Variants in CLDN10 observed in about 807,000 individuals in gnomAD.
The protein encoded by CLDN10 is claudin-10.
In CLDN10, 15 loss-of-function variants were observed where a neutral mutation model predicts 22.9. That is an observed-to-expected ratio of 0.65 (90% CI 0.44 to 1.01). The LOEUF (loss-of-function observed/expected upper bound fraction) is 1.01, where lower values mean the gene tolerates loss of function less well. Ranked by LOEUF, CLDN10 falls within the 50% of genes least tolerant of loss-of-function variation. CLDN10 has a pLI of 0.00. For synonymous variants in CLDN10, 114 were observed against 111.4 expected (o/e 1.02, Z -0.15); for missense variants, 247 against 287.8 (o/e 0.86, Z 1.03).
At chr13:95,552,556 GCCCTCTGAGGCCCCT>G (rs2043578090), upstream of CLDN10, 1 of 254,784 alleles carries the variant, frequency 3.9e-6, no homozygotes, top group Non-Finnish European at 6.2e-6. Flanking sequence ...GCGACCGCGA[GCCCTCTGAGGCCCCT>G]CAAGGGACAG....
intron 3 of CLDN10, among the ~76,000 whole-genome samples, chr13:95,574,116 A>T (rs137926740): frequency 6.6e-6 from 1 of 152,178 alleles, no homozygotes; most frequent in African/African-American, 2.4e-5. Context: ...AATCCAGTCC[A>T]TCATTGATGG....
chr13:95,454,015 C>T (rs9590275), intron 1 of CLDN10, among the ~76,000 whole-genome samples: 3,906 of 152,256 alleles, frequency 0.026, 196 homozygotes, highest in African/African-American at 0.089. Flanking sequence ...GGGTCCCAAG[C>T]GTGGTAACAA....
intron 1 of CLDN10, among the ~76,000 whole-genome samples, chr13:95,555,122 C>A (rs2043619120): frequency 6.9e-6 from 1 of 145,684 alleles, no homozygotes; most frequent in Non-Finnish European, 1.5e-5. Flanking sequence ...ACAATCTCAG[C>A]CGACTGCAAC....
At chr13:95,468,362 T>G (rs72649659) in intron 1 of CLDN10, among the ~76,000 whole-genome samples, 4,566 of 152,294 alleles carry the variant, frequency 0.03, 93 homozygotes, top group Non-Finnish European at 0.045. Flanking sequence ...TGTTCCAAAC[T>G]TATCCCTGAT....
chr13:95,499,596 C>T (rs1016912398), intron 1 of CLDN10, among the ~76,000 whole-genome samples: 5 of 152,134 alleles, frequency 3.3e-5, no homozygotes, highest in Non-Finnish European at 5.9e-5. Flanking sequence ...TGCATGCTGA[C>T]AGGCAGATAG....
intron 3 of CLDN10, among the ~76,000 whole-genome samples, chr13:95,561,867 G>A (rs1489749895): frequency 6.7e-6 from 1 of 150,086 alleles, no homozygotes; most frequent in African/African-American, 2.5e-5. Context: ...CTGCACTCAA[G>A]TGATCCTCCC....
At chr13:95,527,995 T>C (rs1041017753) in intron 1 of CLDN10, among the ~76,000 whole-genome samples, 4 of 152,220 alleles carry the variant, frequency 2.6e-5, no homozygotes, top group Non-Finnish European at 5.9e-5. Flanking sequence ...GGATCTGTGC[T>C]GTGATCTGAC....
At chr13:95,559,905 G>T (rs535282186) in intron 1 of CLDN10, among the ~76,000 whole-genome samples, 3 of 152,292 alleles carry the variant, frequency 2.0e-5, no homozygotes, top group Admixed American at 2.0e-4. Flanking sequence ...ATAACACTCA[G>T]ATCTATCCTG....
rs191589859 is a variant in CLDN10, at chr13:95,464,766, C to A, written c.214+30719C>A. Among the ~76,000 whole-genome samples, 173 of 152,060 alleles carry A rather than the reference C, an allele frequency of 1.1e-3. 1 individual carries two copies. The highest frequency in any genetic ancestry group is 0.011 in the Admixed American group (171 of 15,250). On this transcript the variant is annotated intron_variant, in intron 1 of 4. Transcript: ENST00000376873. ...TTTTTTTTTGAGACAGGGCCTCACT[C>A]TGTCACCCAGGCTAGAGTGCAGTGG...
At chr13:95,439,345 A>T (rs1594518713) in intron 1 of CLDN10, among the ~76,000 whole-genome samples, 1 of 122,992 alleles carries the variant, frequency 8.1e-6, no homozygotes, top group African/African-American at 2.8e-5. Context: ...TTTTTATGTT[A>T]TTATTATTTT....
At chr13:95,511,628 T>A (rs112340957) in intron 1 of CLDN10, among the ~76,000 whole-genome samples, 14,870 of 81,462 alleles carry the variant, frequency 0.18, 883 homozygotes, top group Non-Finnish European at 0.27. Flanking sequence ...TTCTCTCTCC[T>A]TTTTTTTTTT....
chr13:95,534,402 T>C (rs1192358637), intron 1 of CLDN10, among the ~76,000 whole-genome samples: 2 of 152,222 alleles, frequency 1.3e-5, no homozygotes, highest in East Asian at 1.9e-4. Flanking sequence ...TAAAATCTTA[T>C]GTGGTAAGGG....
At chr13:95,531,805 G>C (rs2043345919) in intron 1 of CLDN10, among the ~76,000 whole-genome samples, 1 of 151,812 alleles carries the variant, frequency 6.6e-6, no homozygotes, top group South Asian at 2.1e-4. Context: ...AAAGTGCTGG[G>C]ATTACAGGCA....
At chr13:95,510,494 C>T (rs1033713331) in intron 1 of CLDN10, among the ~76,000 whole-genome samples, 21 of 152,176 alleles carry the variant, frequency 1.4e-4, no homozygotes, top group African/African-American at 3.6e-4. Flanking sequence ...TCTGTTTTCC[C>T]GGGTTAATGG....
chr13:95,509,340 G>A (rs1243224348), intron 1 of CLDN10, among the ~76,000 whole-genome samples: 1 of 152,202 alleles, frequency 6.6e-6, no homozygotes, highest in African/African-American at 2.4e-5. Context: ...GCAAGTGTAT[G>A]AAGACCAGCC....
At chr13:95,552,644 C>T (rs1183266783), upstream of CLDN10, 3 of 1,272,748 alleles carry the variant, frequency 2.4e-6, no homozygotes, top group African/African-American at 3.6e-5. Context: ...GGGTGGTGGG[C>T]GGGGACGGTG....
At chr13:95,573,933 ATTGT>A (rs1257498315) in intron 3 of CLDN10, among the ~76,000 whole-genome samples, 5 of 144,510 alleles carry the variant, frequency 3.5e-5, no homozygotes, top group African/African-American at 1.3e-4. Context: ...AAGTGATCTC[ATTGT>A]TTAATTCCCA....
chr13:95,484,689 A>C (rs1205107703), intron 1 of CLDN10, among the ~76,000 whole-genome samples: 1 of 17,214 alleles, frequency 5.8e-5, no homozygotes, highest in East Asian at 1.4e-3. Context: ...CTAAAAATAC[A>C]AAAAAAAAAA....
chr13:95,486,522 C>CAAA (rs35424054), intron 1 of CLDN10, among the ~76,000 whole-genome samples: 1 of 113,372 alleles, frequency 8.8e-6, no homozygotes. Flanking sequence ...GACCCCATCT[C>CAAA]AAAAAAAAAA....
Sources: allele counts gnomAD v4.1 joint callset (sites outside exome capture counted in the v4.1 genomes callset), GRCh38; gene constraint gnomAD v4.1.1; transcripts MANE v1.5; gene names NCBI Gene and HGNC (gene_info 2026-07-23, HGNC 2026-07-21).